KCNIP4: variants seen among roughly 807,000 people sequenced by gnomAD.
KCNIP4 encodes Kv channel-interacting protein 4.
KCNIP4 carries 12 observed loss-of-function variants against 34.0 expected under a neutral mutation model. The ratio of observed to expected loss-of-function variants is 0.35; its 90% CI spans 0.23 to 0.57. The LOEUF (loss-of-function observed/expected upper bound fraction) is 0.57. Among genes scored for constraint, KCNIP4 ranks in the 20% least tolerant of loss-of-function variants. The pLI, the probability that KCNIP4 is intolerant of heterozygous loss-of-function variation, is 0.83. For synonymous variants in KCNIP4, 124 were observed against 102.2 expected, an observed-to-expected ratio of 1.21 and a Z score of -1.29; for missense variants, 238 against 311.7, an observed-to-expected ratio of 0.76 and a Z score of 1.78.
At chr4:21,416,786 C>A (rs1014447116) in intron 1 of KCNIP4, among the ~76,000 whole-genome samples, 1 of 152,062 alleles carries the variant, frequency 6.6e-6, no homozygotes, top group Non-Finnish European at 1.5e-5. Flanking sequence ...CTTTCCTGAC[C>A]TATCATGGGA....
chr4:20,931,154 T>A (rs1014076269), intron 1 of KCNIP4, among the ~76,000 whole-genome samples: 1 of 150,276 alleles, frequency 6.7e-6, no homozygotes, highest in Non-Finnish European at 1.5e-5. Flanking sequence ...GGTTGACAGA[T>A]GAATGTATAA....
At position 21,407,884 on chromosome 4, in the gene KCNIP4, T is replaced by C. The variant is rs200505846; in HGVS notation, c.62-525175A>G. Among the ~76,000 whole-genome samples, 4 of 152,298 alleles carry C rather than the reference T, an allele frequency of 2.6e-5. No individual in the cohort carries two copies. The East Asian group carries it at 5.8e-4, about 22-fold the overall frequency. On this transcript the variant is annotated intron_variant, in intron 1 of 8. Transcript: ENST00000382152. ...GTTGTAAGGAAACTTCAAATAATTA[T>C]ACAGATATAGGCTATCAGGAATGCT...
intron 1 of KCNIP4, among the ~76,000 whole-genome samples, chr4:21,557,618 G>T (rs1739176256): frequency 6.6e-6 from 1 of 152,102 alleles, no homozygotes; most frequent in African/African-American, 2.4e-5. Context: ...GGTCCCAAGT[G>T]AATTCAAATA....
At chr4:21,151,218 A>G (rs1047022629) in intron 1 of KCNIP4, among the ~76,000 whole-genome samples, 1 of 152,080 alleles carries the variant, frequency 6.6e-6, no homozygotes. Flanking sequence ...AATCCTAGTG[A>G]CACTGATATC....
At chr4:21,318,412 A>G (rs946828686) in intron 1 of KCNIP4, among the ~76,000 whole-genome samples, 10 of 152,224 alleles carry the variant, frequency 6.6e-5, no homozygotes, top group African/African-American at 2.4e-4. Flanking sequence ...CTCAAGGTAG[A>G]AAGAGCCTCT....
Position 21,173,568 on chromosome 4 carries a change from A to G in KCNIP4, c.62-290859T>C, listed in dbSNP as rs139127102. Among the ~76,000 whole-genome samples the G allele has an allele frequency of 9.2e-5, 14 of 152,282 alleles. 1 individual carries two copies. In the East Asian group the frequency reaches 2.3e-3, roughly 25 times the overall value. ...AATCCTCATCTCAAGGCTGTAAGAAAAATCTTAGGAATGATTTAGTGCACA... is the reference window on the plus strand; with the variant it reads ...AATCCTCATCTCAAGGCTGTAAGAAGAATCTTAGGAATGATTTAGTGCACA... On this transcript the variant is annotated intron_variant, in intron 1 of 8. Transcript: ENST00000382152.
intron 1 of KCNIP4, among the ~76,000 whole-genome samples, chr4:20,998,051 A>T (rs1206410168): frequency 6.6e-6 from 1 of 152,198 alleles, no homozygotes; most frequent in Non-Finnish European, 1.5e-5. Flanking sequence ...GAGAGAGAAG[A>T]TAATCTGGGA....
chr4:21,182,224 T>C (rs1373197302), intron 1 of KCNIP4, among the ~76,000 whole-genome samples: 1 of 152,068 alleles, frequency 6.6e-6, no homozygotes, highest in Non-Finnish European at 1.5e-5. Flanking sequence ...ATAGTGAAGC[T>C]ATGAATTGGA....
intron 3 of KCNIP4, among the ~76,000 whole-genome samples, chr4:20,760,860 A>C (rs1754902568): frequency 6.6e-6 from 1 of 152,222 alleles, no homozygotes; most frequent in Non-Finnish European, 1.5e-5. Flanking sequence ...CAAGCAAGCA[A>C]GTGAACTGTG....
chr4:20,917,647 G>T (rs141622472), intron 1 of KCNIP4, among the ~76,000 whole-genome samples: 61 of 152,216 alleles, frequency 4.0e-4, no homozygotes, highest in Non-Finnish European at 8.5e-4. Flanking sequence ...CTGAAAAAAA[G>T]ATTGAAAGCA....
intron 1 of KCNIP4, among the ~76,000 whole-genome samples, chr4:21,675,801 A>T (rs562143971): frequency 6.6e-6 from 1 of 152,322 alleles, no homozygotes; most frequent in East Asian, 1.9e-4. Flanking sequence ...GAAAGAAAAC[A>T]TGAAAGGGAC....
intron 1 of KCNIP4, among the ~76,000 whole-genome samples, chr4:21,148,004 A>T (rs1036741358): frequency 6.6e-6 from 1 of 150,436 alleles, no homozygotes; most frequent in Admixed American, 6.6e-5. Context: ...AAGAGGAATT[A>T]AAAAAATCAA....
chr4:21,445,286 A>G (rs1298942234), intron 1 of KCNIP4, among the ~76,000 whole-genome samples: 1 of 152,190 alleles, frequency 6.6e-6, no homozygotes, highest in Non-Finnish European at 1.5e-5. Flanking sequence ...TAAAGTTCAT[A>G]TGGAACCAAA....
At chr4:21,814,051 G>GT (rs895011004) in intron 1 of KCNIP4, among the ~76,000 whole-genome samples, 4 of 151,898 alleles carry the variant, frequency 2.6e-5, no homozygotes, top group Admixed American at 6.6e-5. Context: ...TGTCAAGCCG[G>GT]TTTTTTTTAA....
chr4:21,209,059 A>C (rs538937872), intron 1 of KCNIP4, among the ~76,000 whole-genome samples: 1 of 152,278 alleles, frequency 6.6e-6, no homozygotes, highest in Non-Finnish European at 1.5e-5. Context: ...TGGAGATTAC[A>C]ATTCAAGATG....
intron 1 of KCNIP4, chr4:20,983,907 C>T (rs1189441833): frequency 1.3e-6 from 2 of 1,536,078 alleles, no homozygotes; most frequent in Non-Finnish European, 1.7e-6. Flanking sequence ...CCTTCGGACT[C>T]CCACTCCAGA....
intron 1 of KCNIP4, among the ~76,000 whole-genome samples, chr4:21,365,517 AT>A (rs1184925379): frequency 4.8e-5 from 4 of 84,208 alleles, no homozygotes; most frequent in African/African-American, 2.1e-4. Context: ...AAATAAATAA[AT>A]AAATAAAAAA....
chr4:21,305,296 T>G (rs1272274932), intron 1 of KCNIP4, among the ~76,000 whole-genome samples: 1 of 152,198 alleles, frequency 6.6e-6, no homozygotes, highest in East Asian at 1.9e-4. Context: ...GACAGACTGC[T>G]GGGATCTCTT....
chr4:21,217,543 C>A (rs568141988), intron 1 of KCNIP4, among the ~76,000 whole-genome samples: 1 of 152,112 alleles, frequency 6.6e-6, no homozygotes, highest in Non-Finnish European at 1.5e-5. Context: ...ATTTAAAATG[C>A]ACATTTGAAA....
Sources: gnomAD v4.1 joint callset for allele counts (sites outside exome capture counted in the v4.1 genomes callset) on GRCh38, gnomAD v4.1.1 for gene constraint, MANE v1.5 for transcripts, NCBI Gene and HGNC (gene_info 2026-07-23, HGNC 2026-07-21) for gene names.